NALF1: variants seen among roughly 807,000 people sequenced by gnomAD.
NALF1 encodes family with sequence similarity 155 member A.
NALF1 carries 3 observed loss-of-function variants against 48.4 expected under a neutral mutation model. The ratio of observed to expected loss-of-function variants is 0.06; its 90% confidence interval spans 0.03 to 0.16. NALF1 has a LOEUF of 0.16. Among genes scored for constraint, NALF1 ranks in the 10% least tolerant of loss-of-function variants. The probability of loss-of-function intolerance (pLI) is 1.00; values close to 1 mark genes in which losing one functional copy is unlikely to be tolerated. For missense variants in NALF1, 526 were observed against 571.5 expected (o/e 0.92, Z 0.81); for synonymous variants, 262 against 245.7 (o/e 1.07, Z -0.62).
chr13:107,848,223 T>C (rs1240083444), intron 1 of NALF1, among the ~76,000 whole-genome samples: 2 of 152,218 alleles, frequency 1.3e-5, no homozygotes, highest in Admixed American at 6.5e-5. Flanking sequence ...ACAAATCAAA[T>C]GAGCAAATTT....
At chr13:107,794,239 T>A (rs996867570) in intron 1 of NALF1, among the ~76,000 whole-genome samples, 3 of 152,200 alleles carry the variant, frequency 2.0e-5, no homozygotes. Flanking sequence ...CTGCCACTTT[T>A]ACATTCAACA....
intron 1 of NALF1, among the ~76,000 whole-genome samples, chr13:107,389,834 G>A (rs77306460): frequency 0.014 from 2,060 of 152,188 alleles, 26 homozygotes; most frequent in South Asian, 0.034. Context: ...TTTCAAGGAC[G>A]TAAATTTATA....
intron 1 of NALF1, among the ~76,000 whole-genome samples, chr13:107,612,543 G>C (rs1879260988): frequency 2.0e-5 from 3 of 152,082 alleles, no homozygotes; most frequent in Admixed American, 2.0e-4. Flanking sequence ...TAGAACAGCT[G>C]GCCCTCCCTG....
chr13:107,437,110 G>T, intron 1 of NALF1, among the ~76,000 whole-genome samples: 1 of 151,938 alleles, frequency 6.6e-6, no homozygotes, highest in Non-Finnish European at 1.5e-5. Flanking sequence ...CTAAAGAAGA[G>T]ATGTACAAGA....
At chr13:107,571,884 G>C (rs1594135901) in intron 1 of NALF1, among the ~76,000 whole-genome samples, 1 of 152,170 alleles carries the variant, frequency 6.6e-6, no homozygotes, top group East Asian at 1.9e-4. Context: ...TTATGTTTGA[G>C]TAGAAGAGTA....
chr13:107,782,721 G>A (rs1459510172), intron 1 of NALF1, among the ~76,000 whole-genome samples: 2 of 151,190 alleles, frequency 1.3e-5, no homozygotes, highest in African/African-American at 2.4e-5. Context: ...TCTGGGATGT[G>A]AGGAGCGCCT....
At chr13:107,782,225 C>T (rs546193559) in intron 1 of NALF1, among the ~76,000 whole-genome samples, 1 of 152,324 alleles carries the variant, frequency 6.6e-6, no homozygotes, top group East Asian at 1.9e-4. Flanking sequence ...GACTGGTTTT[C>T]GTATTTTTTG....
At chr13:107,209,335 C>T (rs971464898) in intron 2 of NALF1, among the ~76,000 whole-genome samples, 18 of 151,952 alleles carry the variant, frequency 1.2e-4, no homozygotes, top group African/African-American at 2.7e-4. Context: ...GGTGAAACAC[C>T]GTCTCTACTA....
At chr13:107,760,672 C>T (rs985253111) in intron 1 of NALF1, among the ~76,000 whole-genome samples, 11 of 152,314 alleles carry the variant, frequency 7.2e-5, no homozygotes, top group Non-Finnish European at 1.3e-4. Flanking sequence ...GATATGTCCA[C>T]ACCTTTAAAG....
chr13:107,491,381 G>C (rs145835301), intron 1 of NALF1, among the ~76,000 whole-genome samples: 2 of 152,274 alleles, frequency 1.3e-5, no homozygotes, highest in East Asian at 3.9e-4. Context: ...CTGTGGAGAC[G>C]ACACAGTTTT....
chr13:107,548,139 C>T (rs780622914), intron 1 of NALF1, among the ~76,000 whole-genome samples: 4 of 152,066 alleles, frequency 2.6e-5, no homozygotes, highest in Admixed American at 6.6e-5. Flanking sequence ...CCTCCATCCT[C>T]GAGTAGCCCC....
intron 1 of NALF1, among the ~76,000 whole-genome samples, chr13:107,781,543 T>C (rs1011452883): frequency 6.6e-6 from 1 of 152,058 alleles, no homozygotes; most frequent in East Asian, 1.9e-4. Context: ...CCCTTACTAA[T>C]AACATTACAT....
chr13:107,776,797 A>G lies in NALF1; in HGVS notation c.915+88885T>C, dbSNP rs369218434. 2.5e-3 allele frequency among the ~76,000 whole-genome samples: 377 copies of G among 152,356 alleles called. 4 individuals carry two copies. Among genetic ancestry groups the G allele is most frequent in the African/African-American group, 8.5e-3 (355 of 41,586 alleles). ...CAGTTTTAGTGGTGGCTTAATAAAA[A>G]TACTGAAAATTGGCCGGACATGTTG... On this transcript the variant is annotated intron_variant, in intron 1 of 2. Coordinates refer to ENST00000375915, the MANE Select transcript of NALF1 (RefSeq NM_001080396.3).
chr13:107,843,089 A>G (rs1191515139), intron 1 of NALF1, among the ~76,000 whole-genome samples: 1 of 152,226 alleles, frequency 6.6e-6, no homozygotes, highest in Non-Finnish European at 1.5e-5. Context: ...CCAGCAGACC[A>G]TTAATGAAGA....
At chr13:107,614,763 T>C (rs1879333661) in intron 1 of NALF1, among the ~76,000 whole-genome samples, 1 of 151,648 alleles carries the variant, frequency 6.6e-6, no homozygotes, top group Non-Finnish European at 1.5e-5. Context: ...TCTCTTTTTT[T>C]CTTTTTTTTT....
chr13:107,412,134 C>T (rs1262659228), intron 1 of NALF1, among the ~76,000 whole-genome samples: 2 of 152,108 alleles, frequency 1.3e-5, no homozygotes, highest in Non-Finnish European at 2.9e-5. Context: ...GACAGAGACA[C>T]CAGTAGGTCC....
Position 107,164,259 on chromosome 13 carries a change from A to G in NALF1, c.*6238T>C, listed in dbSNP as rs917868142. ...CTCTCACCTACCTAAATAGATACAA[A>G]TCAATGAAATAATTTACTCAAGAGC... On this transcript the variant is annotated 3_prime_UTR_variant, in exon 3 of 3. Transcript: ENST00000375915. The G allele has an allele frequency of 1.3e-5, 2 of 152,178 alleles. No individual in the cohort carries two copies. The highest frequency in any genetic ancestry group is 2.4e-5 in the African/African-American group (1 of 41,434). The allele number at this position is 152,178 out of a possible 1,614,324, so 9.4% of individuals were successfully genotyped here.
intron 1 of NALF1, among the ~76,000 whole-genome samples, chr13:107,436,393 TG>T (rs1268219115): frequency 1.3e-5 from 2 of 152,184 alleles, no homozygotes; most frequent in Admixed American, 6.5e-5. Flanking sequence ...ACAATGTGAC[TG>T]GTTTAATATT....
chr13:107,826,648 T>C (rs1033665407), intron 1 of NALF1, among the ~76,000 whole-genome samples: 2 of 152,206 alleles, frequency 1.3e-5, no homozygotes, highest in African/African-American at 4.8e-5. Context: ...CAGAGTGAAA[T>C]GTGCCTGCAT....
Sources: gnomAD v4.1 joint callset for allele counts (sites outside exome capture counted in the v4.1 genomes callset) on GRCh38, gnomAD v4.1.1 for gene constraint, MANE v1.5 for transcripts, NCBI Gene and HGNC (gene_info 2026-07-23, HGNC 2026-07-21) for gene names.